The following CHD7 variants were observed in gnomAD, a reference collection of about 807,000 sequenced individuals.
CHD7 encodes the protein ATP-dependent chromatin remodeler CHD7.
A neutral mutation model predicts 307.3 loss-of-function variants in CHD7; 24 were observed. That is an observed-to-expected ratio of 0.08 (90% CI 0.06 to 0.11). CHD7 has a LOEUF of 0.11. Ranked by LOEUF, CHD7 falls within the 10% of genes least tolerant of loss-of-function variation. The pLI, the probability that CHD7 is intolerant of heterozygous loss-of-function variation, is 1.00. For synonymous variants in CHD7, 1,363 were observed against 1,349.9 expected (o/e 1.01, Z -0.21); for missense variants, 3,106 against 3,727.1 (o/e 0.83, Z 4.34).
chr8:60,732,989 C>T (rs933629284), intron 1 of CHD7, among the ~76,000 whole-genome samples: 1 of 151,984 alleles, frequency 6.6e-6, no homozygotes, highest in Non-Finnish European at 1.5e-5. Context: ...AACCCCAGCA[C>T]TTTAAGAGGC....
At chr8:60,829,981 G>T (rs374810399) in intron 14 of CHD7, among the ~76,000 whole-genome samples, 1 of 152,298 alleles carries the variant, frequency 6.6e-6, no homozygotes, top group East Asian at 1.9e-4. Context: ...GCATTGCCAT[G>T]ACATTGTCTT....
At chr8:60,780,759 A>AT (rs532046245) in intron 2 of CHD7, among the ~76,000 whole-genome samples, 130 of 151,414 alleles carry the variant, frequency 8.6e-4, no homozygotes, top group Admixed American at 2.1e-3. Flanking sequence ...TCCTGAACTG[A>AT]TTTTTTTTTA....
intron 15 of CHD7, among the ~76,000 whole-genome samples, chr8:60,831,397 A>G (rs1362536181): frequency 1.3e-5 from 2 of 152,062 alleles, no homozygotes; most frequent in African/African-American, 2.4e-5. Context: ...CGATACAAGC[A>G]AAGAGAGGGG....
chr8:60,823,508 A>C (rs2079394538), intron 12 of CHD7, among the ~76,000 whole-genome samples: 1 of 152,176 alleles, frequency 6.6e-6, no homozygotes, highest in South Asian at 2.1e-4. Flanking sequence ...AAAAATATTG[A>C]AATCTGTGTT....
rs1372577301 is a variant in CHD7 at position 60,801,560 on chromosome 8, A to G, written c.2409A>G (p.Glu803=). Residue 803 remains glutamate, a synonymous_variant, in exon 6 of 38, where the codon GAA becomes GAG. Coordinates refer to ENST00000423902, the MANE Select transcript of CHD7 (RefSeq NM_017780.4). ...ESVDAEGPVV[E]KIMSSRSVKK... is the part of the protein sequence containing the mutation. ...TTGATGCAGAAGGCCCAGTGGTAGA[A>G]AAAATTATGAGCAGTCGTTCAGTAA... is the stretch of plus-strand genomic sequence containing the variant. The G allele has an allele frequency of 1.1e-5, 17 of 1,575,870 alleles. No homozygotes were observed. The highest frequency in any genetic ancestry group is 1.5e-5 in the Non-Finnish European group (17 of 1,159,364).
chr8:60,824,087 A>C, intron 13 of CHD7, 71 bp downstream of exon 13: 1 of 1,305,378 alleles, frequency 7.7e-7, no homozygotes. Flanking sequence ...CCCGTTGCTC[A>C]GAATTTGATG....
At chr8:60,840,332 A>T (rs1480272015) in intron 19 of CHD7, among the ~76,000 whole-genome samples, 1 of 152,088 alleles carries the variant, frequency 6.6e-6, no homozygotes, top group Admixed American at 6.5e-5. Flanking sequence ...CTGTGTATTC[A>T]ATATGTGCAC....
chr8:60,834,616 G>C (rs1451594625), intron 15 of CHD7, among the ~76,000 whole-genome samples: 1 of 152,152 alleles, frequency 6.6e-6, no homozygotes, highest in Non-Finnish European at 1.5e-5. Flanking sequence ...CTGAATATTA[G>C]CTTTTCATTC....
chr8:60,721,830 G>T (rs919861606), intron 1 of CHD7, among the ~76,000 whole-genome samples: 2 of 152,182 alleles, frequency 1.3e-5, no homozygotes, highest in African/African-American at 4.8e-5. Flanking sequence ...CTAGGAAGTT[G>T]TTTAAACTCA....
intron 15 of CHD7, among the ~76,000 whole-genome samples, chr8:60,833,062 G>A (rs868179949): frequency 6.6e-6 from 1 of 152,138 alleles, no homozygotes; most frequent in Non-Finnish European, 1.5e-5. Flanking sequence ...ATTGTGTAGA[G>A]GTTGCTCCAG....
rs1183228084 is a variant in CHD7 at position 60,790,049 on chromosome 8, T to A, written c.2097-4937T>A. Reference sequence around the variant, plus strand: ...CACCAGTGTAACCCAATTCTCATCATGAAATGTGAAATGTAAGTAAGGCTG... The same window carrying A: ...CACCAGTGTAACCCAATTCTCATCAAGAAATGTGAAATGTAAGTAAGGCTG... On this transcript the variant is annotated intron_variant, in intron 3 of 37. Coordinates refer to ENST00000423902, the MANE Select transcript of CHD7 (RefSeq NM_017780.4). Among the ~76,000 whole-genome samples, 6 of 152,328 alleles carry A rather than the reference T, an allele frequency of 3.9e-5. No homozygotes were observed. In the East Asian group the frequency reaches 1.2e-3, roughly 29 times the overall value.
chr8:60,712,938 C>G (rs992436536), intron 1 of CHD7, among the ~76,000 whole-genome samples: 9 of 150,822 alleles, frequency 6.0e-5, no homozygotes, highest in African/African-American at 2.2e-4. Context: ...GTAATCCCAG[C>G]TACCTGGGGG....
intron 34 of CHD7, 145 bp downstream of exon 34, chr8:60,857,033 C>T: frequency 1.5e-6 from 1 of 686,044 alleles, no homozygotes; most frequent in Non-Finnish European, 2.4e-6. Context: ...TTACAATAAA[C>T]AGTCATGATT....
chr8:60,781,984 G>T (rs768341782), intron 3 of CHD7, among the ~76,000 whole-genome samples: 19 of 152,102 alleles, frequency 1.2e-4, no homozygotes, highest in Non-Finnish European at 2.1e-4. Context: ...TGAATTTTAG[G>T]TTCTAGGGAA....
In CHD7 at chr8:60,837,676, T is replaced by C. The variant is rs898986489; in HGVS notation, c.4194T>C (p.Ala1398=). ...TTTCATTTTTCTTCCAGGCTCAGGC[T>C]AGATGTCATAGAATAGGACAGAGCA... ...WNPQNDLQAQ[A]RCHRIGQSKS... is the part of the protein sequence containing the mutation. The change falls in exon 18 of 38, where the codon GCT becomes GCC. Residue 1398 remains alanine (A), a synonymous_variant. Transcript: ENST00000423902. 1.9e-6 allele frequency: 3 copies of C among 1,566,206 alleles called. No homozygotes were observed. In the African/African-American group the frequency reaches 4.1e-5, roughly 21 times the overall value.
chr8:60,695,221 G>A (rs961925976), intron 1 of CHD7, among the ~76,000 whole-genome samples: 1 of 152,092 alleles, frequency 6.6e-6, no homozygotes, highest in African/African-American at 2.4e-5. Context: ...CCTTAGAAAG[G>A]TTTAGAAATA....
At chr8:60,690,627 T>C (rs1383344464) in intron 1 of CHD7, among the ~76,000 whole-genome samples, 1 of 152,180 alleles carries the variant, frequency 6.6e-6, no homozygotes, top group African/African-American at 2.4e-5. Context: ...TGCTGTCAAA[T>C]ACATTAATAA....
At position 60,828,714 on chromosome 8, in the gene CHD7, C is replaced by T; in HGVS notation, c.3430C>T (p.Leu1144Phe). ...CCCACTCCAGAACACTGTGGAAGAA[C>T]TCTTCAGCTTGCTTCATTTCTTGGA... Reference protein sequence around the residue: ...GTPLQNTVEELFSLLHFLEPS... With the variant: ...GTPLQNTVEEFFSLLHFLEPS... The change falls in exon 14 of 38, where the codon CTC becomes TTC. Residue 1144 changes from leucine (L) to phenylalanine (F), a missense_variant. By Grantham distance (22) the Leu-to-Phe change is conservative (BLOSUM62 0). Transcript: ENST00000423902. 6.2e-7 allele frequency: 1 copy of T among 1,613,386 alleles called. No homozygotes were observed. Among genetic ancestry groups the T allele is most frequent in the Non-Finnish European group, 8.5e-7 (1 of 1,179,622 alleles).
intron 3 of CHD7, among the ~76,000 whole-genome samples, chr8:60,787,048 T>C (rs1017181098): frequency 2.0e-5 from 3 of 152,180 alleles, no homozygotes; most frequent in Non-Finnish European, 4.4e-5. Context: ...TCTTTTTTTT[T>C]CTTTAAGTTA....
Sources: allele counts gnomAD v4.1 joint callset (sites outside exome capture counted in the v4.1 genomes callset), GRCh38; gene constraint gnomAD v4.1.1; transcripts MANE v1.5; gene names NCBI Gene and HGNC (gene_info 2026-07-23, HGNC 2026-07-21).